The following IQCM variants were observed in gnomAD, a reference collection of about 807,000 sequenced individuals.
The protein encoded by IQCM is IQ domain-containing protein M.
In IQCM, 45 loss-of-function variants were observed where a neutral mutation model predicts 57.6. That is an observed-to-expected ratio of 0.78 (90% confidence interval 0.62 to 1.00). IQCM has a LOEUF of 1.00. Among genes scored for constraint, IQCM ranks in the 50% least tolerant of loss-of-function variants. The probability of loss-of-function intolerance (pLI) is 0.00; values close to 1 mark genes in which losing one functional copy is unlikely to be tolerated. For synonymous variants in IQCM, 148 were observed against 158.9 expected (o/e 0.93, Z 0.51); for missense variants, 468 against 511.6 (o/e 0.91, Z 0.82).
chr4:149,556,953 A>C (rs560326431), intron 10 of IQCM, among the ~76,000 whole-genome samples: 1 of 152,294 alleles, frequency 6.6e-6, no homozygotes, highest in Admixed American at 6.5e-5. Context: ...CAATCACTCT[A>C]TGTCTAATTG....
intron 7 of IQCM, among the ~76,000 whole-genome samples, chr4:149,625,812 A>G (rs1290117132): frequency 6.6e-6 from 1 of 152,166 alleles, no homozygotes. Context: ...GCAGCTTAAA[A>G]TACTCAGCAT....
At chr4:149,593,876 T>A (rs565512007) in intron 8 of IQCM, among the ~76,000 whole-genome samples, 15 of 152,252 alleles carry the variant, frequency 9.9e-5, no homozygotes, top group African/African-American at 3.1e-4. Context: ...TTATTGAGGA[T>A]CTTTGCATCG....
chr4:149,807,300 A>G (rs918207625), intron 2 of IQCM, among the ~76,000 whole-genome samples: 1 of 152,014 alleles, frequency 6.6e-6, no homozygotes, highest in Non-Finnish European at 1.5e-5. Flanking sequence ...TGGTACTGAC[A>G]TAAAACTCCA....
chr4:149,507,028 T>A (rs572098683), intron 12 of IQCM, among the ~76,000 whole-genome samples: 15 of 152,290 alleles, frequency 9.8e-5, no homozygotes, highest in East Asian at 7.7e-4. Flanking sequence ...CTCATGATAG[T>A]TCTCATGAGA....
chr4:149,486,295 C>T (rs998937611), intron 12 of IQCM, among the ~76,000 whole-genome samples: 4 of 152,092 alleles, frequency 2.6e-5, no homozygotes, highest in Admixed American at 1.3e-4. Flanking sequence ...GAATCAAAAA[C>T]CTTAGCATTT....
intron 13 of IQCM, among the ~76,000 whole-genome samples, chr4:149,404,981 C>T (rs1732877251): frequency 6.6e-6 from 1 of 151,928 alleles, no homozygotes. Flanking sequence ...TAAAATTTCC[C>T]ATTATGGAGA....
intron 12 of IQCM, among the ~76,000 whole-genome samples, chr4:149,473,605 C>A (rs1739836290): frequency 6.6e-6 from 1 of 152,180 alleles, no homozygotes; most frequent in Non-Finnish European, 1.5e-5. Context: ...TACCATTTGA[C>A]CCAGCCATCC....
chr4:149,518,931 A>T (rs1469508689), intron 12 of IQCM, among the ~76,000 whole-genome samples: 2 of 152,204 alleles, frequency 1.3e-5, no homozygotes, highest in Non-Finnish European at 2.9e-5. Context: ...AAAAGGAAAC[A>T]AAGAGAGAAT....
At chr4:149,602,983 T>C (rs1332437768) in intron 8 of IQCM, among the ~76,000 whole-genome samples, 1 of 152,080 alleles carries the variant, frequency 6.6e-6, no homozygotes, top group Non-Finnish European at 1.5e-5. Context: ...AGGAATTTAT[T>C]GTAAAAAATT....
chr4:149,453,240 C>T (rs1295479297), intron 12 of IQCM, among the ~76,000 whole-genome samples: 3 of 151,638 alleles, frequency 2.0e-5, no homozygotes, highest in African/African-American at 7.3e-5. Flanking sequence ...ACAGCAAAAA[C>T]TATAAAACTC....
chr4:149,443,294 T>C (rs1382971435), intron 12 of IQCM, among the ~76,000 whole-genome samples: 2 of 152,042 alleles, frequency 1.3e-5, no homozygotes, highest in African/African-American at 4.8e-5. Flanking sequence ...TAGTGTTTGA[T>C]TGAATAACTG....
chr4:149,792,244 A>C (rs1772694306), intron 2 of IQCM, among the ~76,000 whole-genome samples: 1 of 152,172 alleles, frequency 6.6e-6, no homozygotes, highest in African/African-American at 2.4e-5. Flanking sequence ...ACAGCATTTT[A>C]ATTCACTAGA....
intron 13 of IQCM, among the ~76,000 whole-genome samples, chr4:149,386,957 T>C (rs1378176157): frequency 6.6e-6 from 1 of 152,056 alleles, no homozygotes; most frequent in Non-Finnish European, 1.5e-5. Flanking sequence ...GTATATTTCA[T>C]ATAGCACCAC....
intron 12 of IQCM, among the ~76,000 whole-genome samples, chr4:149,465,596 C>A (rs1738771918): frequency 1.3e-5 from 2 of 152,110 alleles, no homozygotes; most frequent in African/African-American, 4.8e-5. Context: ...ATGAAGGTGC[C>A]TTTGAGAGAA....
intron 7 of IQCM, among the ~76,000 whole-genome samples, chr4:149,674,423 G>T (rs1761575129): frequency 1.3e-5 from 2 of 152,070 alleles, no homozygotes; most frequent in African/African-American, 4.8e-5. Flanking sequence ...TTATATTCTA[G>T]CAGGAGGAGG....
rs571737820 is a variant in IQCM, at chr4:149,790,113, C to T, written c.-49+25198G>A. ...TCCTCACCATTAAAAAAAGAACAGC[C>T]CTTATTTACTCTATGGCAGGTTGGA... On this transcript the variant is annotated intron_variant, in intron 2 of 13. Transcript: ENST00000636793. The T allele has an allele frequency of 1.2e-4, 82 of 679,942 alleles. No individual in the cohort carries two copies. In the African/African-American group the frequency reaches 1.5e-3, roughly 12 times the overall value. The allele number at this position is 679,942 out of a possible 1,614,324, so 42.1% of individuals were successfully genotyped here. A position where few individuals can be genotyped will look rare whatever the true frequency, so the allele number is the denominator to read the frequency against.
At chr4:149,651,303 G>A (rs973704942) in intron 7 of IQCM, among the ~76,000 whole-genome samples, 31 of 152,142 alleles carry the variant, frequency 2.0e-4, no homozygotes, top group African/African-American at 7.2e-4. Flanking sequence ...CTGGAAGGTG[G>A]AAATAGATGA....
intron 2 of IQCM, among the ~76,000 whole-genome samples, chr4:149,804,090 C>T (rs1423312176): frequency 6.6e-6 from 1 of 151,828 alleles, no homozygotes; most frequent in Non-Finnish European, 1.5e-5. Flanking sequence ...TTTCCCTTTC[C>T]TCAAGTTGGT....
At chr4:149,742,962 T>G (rs1284551970) in intron 2 of IQCM, among the ~76,000 whole-genome samples, 3 of 152,134 alleles carry the variant, frequency 2.0e-5, no homozygotes, top group Admixed American at 6.6e-5. Context: ...ATTGCCTTAC[T>G]GGGTCTAGGC....
Sources: gnomAD v4.1 joint callset for allele counts (sites outside exome capture counted in the v4.1 genomes callset) on GRCh38, gnomAD v4.1.1 for gene constraint, MANE v1.5 for transcripts, NCBI Gene and HGNC (gene_info 2026-07-23, HGNC 2026-07-21) for gene names.